DDX10: variants seen among roughly 807,000 people sequenced by gnomAD.
The protein encoded by DDX10 is probable ATP-dependent RNA helicase DDX10.
A neutral mutation model predicts 104.3 loss-of-function variants in DDX10; 74 were observed. The ratio of observed to expected loss-of-function variants is 0.71; its 90% confidence interval spans 0.59 to 0.86. DDX10 has a LOEUF of 0.86. Among genes scored for constraint, DDX10 ranks in the 40% least tolerant of loss-of-function variants. The probability of loss-of-function intolerance (pLI) is 0.00; values close to 1 mark genes in which losing one functional copy is unlikely to be tolerated. For missense variants in DDX10, 952 were observed against 1,040.0 expected, an observed-to-expected ratio of 0.92 and a Z score of 1.16; for synonymous variants, 351 against 353.4, an observed-to-expected ratio of 0.99 and a Z score of 0.08.
At chr11:108,797,857 T>G (rs1054234457) in intron 13 of DDX10, among the ~76,000 whole-genome samples, 17 of 152,366 alleles carry the variant, frequency 1.1e-4, no homozygotes, top group African/African-American at 4.1e-4. Context: ...AAGCTGGGCC[T>G]CATTCTGCAC....
intron 13 of DDX10, among the ~76,000 whole-genome samples, chr11:108,760,003 TA>T (rs200118606): frequency 0.032 from 4,512 of 142,912 alleles, 95 homozygotes; most frequent in South Asian, 0.092. Context: ...TGATCCATGT[TA>T]AAAAAAAAAA....
chr11:108,694,136 T>C (rs1032523483), intron 9 of DDX10, among the ~76,000 whole-genome samples: 19 of 152,222 alleles, frequency 1.2e-4, no homozygotes, highest in African/African-American at 4.6e-4. Flanking sequence ...GTGAGCAATT[T>C]AAAACTTATG....
chr11:108,881,641 A>G (rs1863228459), intron 16 of DDX10, among the ~76,000 whole-genome samples: 1 of 152,164 alleles, frequency 6.6e-6, no homozygotes, highest in African/African-American at 2.4e-5. Flanking sequence ...TCAACACTCT[A>G]TTATAAAATA....
chr11:108,913,117 A>G (rs1863701478), intron 16 of DDX10, among the ~76,000 whole-genome samples: 1 of 152,192 alleles, frequency 6.6e-6, no homozygotes, highest in Admixed American at 6.5e-5. Flanking sequence ...TTATTTTGCC[A>G]AGGTTAAAGG....
At chr11:108,836,711 ACTC>A (rs1302735226) in intron 13 of DDX10, among the ~76,000 whole-genome samples, 1 of 151,944 alleles carries the variant, frequency 6.6e-6, no homozygotes, top group Non-Finnish European at 1.5e-5. Context: ...CTGGTCTCGA[ACTC>A]CTGACCTCAA....
In DDX10 at chr11:108,879,655, G is replaced by A. The variant is rs73558672; in HGVS notation, c.2304+27446G>A. 6.8e-3 allele frequency among the ~76,000 whole-genome samples: 1,034 copies of A among 152,236 alleles called. 9 individuals are homozygous for A. The highest frequency in any genetic ancestry group is 0.023 in the African/African-American group (966 of 41,540). ...TTATTTCACCTGTTCTTATTATCAA[G>A]TTACTTCAATAAGTAACCTTGGCCC... On this transcript the variant is annotated intron_variant, in intron 16 of 17. Transcript: ENST00000322536.
chr11:108,784,856 G>C (rs1380807985), intron 13 of DDX10, among the ~76,000 whole-genome samples: 1 of 152,136 alleles, frequency 6.6e-6, no homozygotes, highest in East Asian at 1.9e-4. Context: ...TCCATCTTGA[G>C]TTAATTTTTG....
At chr11:108,867,171 A>G (rs1021411340) in intron 16 of DDX10, among the ~76,000 whole-genome samples, 1 of 152,188 alleles carries the variant, frequency 6.6e-6, no homozygotes, top group Non-Finnish European at 1.5e-5. Flanking sequence ...TGGAAAGTAG[A>G]GATTCTTAAA....
chr11:108,910,168 A>G (rs10736444), intron 16 of DDX10, among the ~76,000 whole-genome samples: 145,083 of 152,158 alleles, frequency 0.95, 69,565 homozygotes, highest in East Asian at 1. Context: ...CATGTTTTAC[A>G]AAGCTTATAA....
At chr11:108,769,084 G>C (rs1239486691) in intron 13 of DDX10, among the ~76,000 whole-genome samples, 1 of 151,922 alleles carries the variant, frequency 6.6e-6, no homozygotes, top group East Asian at 1.9e-4. Flanking sequence ...GAAGTAATTT[G>C]AATTTCTGAT....
Position 108,665,078 on chromosome 11 carries a change from C to A in DDX10, c.-76C>A, listed in dbSNP as rs761347945. The A allele has an allele frequency of 3.4e-6, 5 of 1,458,356 alleles. No individual in the cohort carries two copies. Among genetic ancestry groups the A allele is most frequent in the Non-Finnish European group, 4.5e-6 (5 of 1,107,282 alleles). The allele number at this position is 1,458,356 out of a possible 1,614,324, so 90.3% of individuals were successfully genotyped here. A position where few individuals can be genotyped will look rare whatever the true frequency, so the allele number is the denominator to read the frequency against. ...GCGCATGCGCCTCTGTGCGTTTGTC[C>A]CATGCTGGTTCCGTGAGTCTGGCCT... On this transcript the variant is annotated 5_prime_UTR_variant, in exon 1 of 18. Coordinates refer to ENST00000322536, the MANE Select transcript of DDX10 (RefSeq NM_004398.4).
intron 16 of DDX10, among the ~76,000 whole-genome samples, chr11:108,890,575 A>T (rs1863362503): frequency 1.3e-5 from 2 of 151,982 alleles, no homozygotes; most frequent in African/African-American, 4.8e-5. Flanking sequence ...ACTTAAAAAA[A>T]AAAAAAAGGC....
chr11:108,817,914 G>C (rs945994624), intron 13 of DDX10, among the ~76,000 whole-genome samples: 2 of 152,178 alleles, frequency 1.3e-5, no homozygotes, highest in Admixed American at 1.3e-4. Context: ...AGAACACCTT[G>C]TCTATAAGGA....
chr11:108,754,231 C>T (rs1371533688), intron 13 of DDX10, among the ~76,000 whole-genome samples: 2 of 152,010 alleles, frequency 1.3e-5, no homozygotes, highest in African/African-American at 4.8e-5. Flanking sequence ...AGTATAGATT[C>T]CAAAGGCCTA....
intron 13 of DDX10, among the ~76,000 whole-genome samples, chr11:108,726,226 A>G (rs1192861608): frequency 6.6e-6 from 1 of 152,002 alleles, no homozygotes; most frequent in Admixed American, 6.6e-5. Flanking sequence ...GGACCATGGC[A>G]TTTTCATGTA....
At chr11:108,862,964 C>T (rs945200840) in intron 16 of DDX10, among the ~76,000 whole-genome samples, 1 of 152,152 alleles carries the variant, frequency 6.6e-6, no homozygotes, top group African/African-American at 2.4e-5. Context: ...CATAGAAATT[C>T]AGAAACATAC....
At chr11:108,675,916 G>T in intron 3 of DDX10, 190 bp downstream of exon 3, 1 of 624,802 alleles carries the variant, frequency 1.6e-6, no homozygotes, top group Middle Eastern at 4.5e-4. Context: ...CTAGCACAGT[G>T]CCTTGCATGT....
chr11:108,748,770 T>G lies in DDX10; in HGVS notation c.1965+25308T>G, dbSNP rs1271105734. On this transcript the variant is annotated intron_variant, in intron 13 of 17. Transcript: ENST00000322536. ...ATCATAGCTCACTGCAGCCATGAAC[T>G]CCTGAGCTCAAGTGATCCTCCTGCC... Among the ~76,000 whole-genome samples the G allele has an allele frequency of 3.3e-5, 5 of 152,152 alleles. No homozygotes were observed. The East Asian group carries it at 9.6e-4, about 29-fold the overall frequency.
intron 10 of DDX10, among the ~76,000 whole-genome samples, chr11:108,708,285 A>G (rs2094279341): frequency 7.1e-6 from 1 of 141,666 alleles, no homozygotes. Flanking sequence ...AAATCTGATG[A>G]GATCATGTGA....
Sources: allele counts gnomAD v4.1 joint callset (sites outside exome capture counted in the v4.1 genomes callset), GRCh38; gene constraint gnomAD v4.1.1; transcripts MANE v1.5; gene names NCBI Gene and HGNC (gene_info 2026-07-23, HGNC 2026-07-21).